Variants in ZNF423 observed in about 807,000 individuals in gnomAD.
The protein encoded by ZNF423 is Ebf-associated zinc finger protein.
In ZNF423, 12 loss-of-function variants were observed where a neutral mutation model predicts 95.8. That is an observed-to-expected ratio of 0.13 (90% confidence interval 0.08 to 0.20). The LOEUF (loss-of-function observed/expected upper bound fraction) is 0.20. ZNF423 is among the 10% of genes least tolerant of loss of function. ZNF423 has a pLI of 1.00. For synonymous variants in ZNF423, 749 were observed against 711.9 expected (o/e 1.05, Z -0.83); for missense variants, 1,316 against 1,737.1 (o/e 0.76, Z 4.31).
intron 5 of ZNF423, among the ~76,000 whole-genome samples, chr16:49,562,900 T>C (rs1331585865): frequency 6.6e-6 from 1 of 152,054 alleles, no homozygotes; most frequent in African/African-American, 2.4e-5. Flanking sequence ...TGCCTCAGCC[T>C]CCCGAGTAGT....
intron 1 of ZNF423, among the ~76,000 whole-genome samples, chr16:49,821,422 T>C (rs983348859): frequency 2.0e-5 from 3 of 152,124 alleles, no homozygotes; most frequent in Non-Finnish European, 4.4e-5. Flanking sequence ...GATGATTGCC[T>C]CTGATTCTTC....
chr16:49,851,847 G>T (rs1209543189), intron 1 of ZNF423, among the ~76,000 whole-genome samples: 1 of 152,180 alleles, frequency 6.6e-6, no homozygotes, highest in Non-Finnish European at 1.5e-5. Context: ...TTTCTAGAAT[G>T]AAACAGGCCC....
intron 1 of ZNF423, among the ~76,000 whole-genome samples, chr16:49,812,652 C>T (rs1454618549): frequency 2.0e-4 from 31 of 152,286 alleles, no homozygotes; most frequent in Non-Finnish European, 1.0e-4. Context: ...TGCACTCCAG[C>T]CTGGGCAACA....
chr16:49,514,994 G>C (rs1968077164), intron 7 of ZNF423, among the ~76,000 whole-genome samples: 1 of 152,354 alleles, frequency 6.6e-6, no homozygotes, highest in East Asian at 1.9e-4. Flanking sequence ...TCTAGTTCAA[G>C]TTCTATTCCC....
intron 3 of ZNF423, among the ~76,000 whole-genome samples, chr16:49,695,512 C>T (rs1193658115): frequency 6.6e-6 from 1 of 152,246 alleles, no homozygotes; most frequent in African/African-American, 2.4e-5. Context: ...AGGCTGGTCT[C>T]GAACTCCCAA....
intron 1 of ZNF423, among the ~76,000 whole-genome samples, chr16:49,834,536 G>A (rs780140186): frequency 3.3e-5 from 5 of 151,814 alleles, no homozygotes; most frequent in South Asian, 4.2e-4. Flanking sequence ...CCTGCCCTGC[G>A]TCCCCTCTGG....
chr16:49,799,869 G>A (rs1010215), intron 1 of ZNF423, among the ~76,000 whole-genome samples: 50,002 of 151,950 alleles, frequency 0.33, 8,404 homozygotes, highest in Non-Finnish European at 0.36. Flanking sequence ...GGCTCACTGC[G>A]GCCTCAAACT....
chr16:49,694,641 T>C (rs2031903367), intron 3 of ZNF423, among the ~76,000 whole-genome samples: 1 of 152,024 alleles, frequency 6.6e-6, no homozygotes, highest in Admixed American at 6.5e-5. Flanking sequence ...TATGCCTTCC[T>C]CTCCTGCAAC....
rs1972769994 is a variant in ZNF423, at chr16:49,637,356, G to C, written c.1820C>G (p.Ser607Cys). ...KNIPLAHSKK[S>C]KAEQSPVSSD... ...CGAGACTGGGCTCTGCTCGGCCTTGGACTTCTTGCTGTGGGCCAGTGGAAT... is the reference window on the plus strand; with the variant it reads ...CGAGACTGGGCTCTGCTCGGCCTTGCACTTCTTGCTGTGGGCCAGTGGAAT... Residue 607 changes from serine to cysteine, a missense_variant, in exon 4 of 8, where the codon TCC (serine) becomes TGC (cysteine). Ser to Cys is a moderately radical substitution (Grantham distance 112, BLOSUM62 -1). Transcript: ENST00000563137. This position sits in a 1 kb window ranked among gnomAD's most constrained non-coding sequence, Gnocchi z 5.6. 1 of 1,614,106 alleles carries C rather than the reference G, an allele frequency of 6.2e-7. No homozygotes were observed. Among genetic ancestry groups the C allele is most frequent in the Non-Finnish European group, 8.5e-7 (1 of 1,180,050 alleles).
chr16:49,697,085 T>C (rs973067312), intron 3 of ZNF423, among the ~76,000 whole-genome samples: 4 of 152,168 alleles, frequency 2.6e-5, no homozygotes, highest in Non-Finnish European at 5.9e-5. Flanking sequence ...ACACCTTTCT[T>C]CGACCTTCCA....
chr16:49,732,826 G>A (rs1008704248), intron 2 of ZNF423, among the ~76,000 whole-genome samples: 17 of 152,188 alleles, frequency 1.1e-4, no homozygotes, highest in African/African-American at 2.4e-4. Context: ...AACACAAATC[G>A]GCTCATCGGA....
intron 3 of ZNF423, among the ~76,000 whole-genome samples, chr16:49,640,168 C>T (rs1465207084): frequency 2.0e-5 from 3 of 152,174 alleles, no homozygotes; most frequent in Admixed American, 6.5e-5. Flanking sequence ...AAGAGCCTCA[C>T]AGACGTAACC....
intron 5 of ZNF423, among the ~76,000 whole-genome samples, chr16:49,595,273 C>A (rs534888696): frequency 6.6e-6 from 1 of 152,326 alleles, no homozygotes; most frequent in South Asian, 2.1e-4. Flanking sequence ...ATGTGGTAAA[C>A]CCACACTGGG....
At position 49,636,886 on chromosome 16, in the gene ZNF423, T is replaced by G; in HGVS notation, c.2290A>C (p.Asn764His). 1 of 1,614,006 alleles carries G rather than the reference T, an allele frequency of 6.2e-7. No homozygotes were observed. Among genetic ancestry groups the G allele is most frequent in the Non-Finnish European group, 8.5e-7 (1 of 1,180,034 alleles). ...TCAGCCTCCTTGCGGAAGTCCCAGT[T>G]GCAGGCCGTGCAGCGGTACATCTTC... ...EKKMYRCTAC[N>H]WDFRKEADLQ... is the part of the protein sequence containing the mutation. The change falls in exon 4 of 8, where the codon AAC (asparagine) becomes CAC (histidine). Residue 764 changes from asparagine (N) to histidine (H), a missense_variant. Around this residue, in one of 6 missense-constraint regions of ZNF423, gnomAD observed 620 missense variants for 775.6 expected, o/e 0.80. Coordinates refer to ENST00000563137, the MANE Select transcript of ZNF423 (RefSeq NM_001379286.1). This position sits in a 1 kb window ranked among gnomAD's most constrained non-coding sequence, Gnocchi z 8.6.
chr16:49,851,494 T>C (rs1054038852), intron 1 of ZNF423, among the ~76,000 whole-genome samples: 3 of 152,242 alleles, frequency 2.0e-5, no homozygotes, highest in Non-Finnish European at 4.4e-5. Context: ...TTCTATTAGA[T>C]TGAACCAGAT....
chr16:49,612,980 GA>G (rs1174048745), intron 5 of ZNF423, among the ~76,000 whole-genome samples: 2 of 149,376 alleles, frequency 1.3e-5, no homozygotes, highest in Non-Finnish European at 1.5e-5. Context: ...ACCAAATTAG[GA>G]TGTTGAAAAC....
intron 1 of ZNF423, among the ~76,000 whole-genome samples, chr16:49,851,496 G>A (rs1180389000): frequency 6.6e-6 from 1 of 152,206 alleles, no homozygotes; most frequent in African/African-American, 2.4e-5. Context: ...CTATTAGATT[G>A]AACCAGATCC....
chr16:49,677,704 T>C lies in ZNF423; in HGVS notation c.302-38830A>G, dbSNP rs1304041572. On this transcript the variant is annotated intron_variant, in intron 3 of 7. Coordinates refer to ENST00000563137, the MANE Select transcript of ZNF423 (RefSeq NM_001379286.1). ...AGGAAGTAAAGGCTGCAGTGAGCCA[T>C]GATCACACCACTGCCCTCCGGCCTG... 2.1e-5 allele frequency among the ~76,000 whole-genome samples: 3 copies of C among 145,974 alleles called. No homozygotes were observed. In the East Asian group the frequency reaches 6.1e-4, roughly 30 times the overall value.
intron 2 of ZNF423, among the ~76,000 whole-genome samples, chr16:49,771,346 A>G (rs958044103): frequency 6.6e-6 from 1 of 151,934 alleles, no homozygotes; most frequent in Admixed American, 6.6e-5. Context: ...CTGGGATTAC[A>G]GGCATGCACC....
Sources: gnomAD v4.1 joint callset for allele counts (sites outside exome capture counted in the v4.1 genomes callset) on GRCh38, gnomAD v4.1.1 for gene constraint, gnomAD v4.1.1 regional missense constraint, Gnocchi (gnomAD v3.1) non-coding constraint, MANE v1.5 for transcripts, NCBI Gene and HGNC (gene_info 2026-07-23, HGNC 2026-07-21) for gene names.